The following RYR2 variants were observed in gnomAD, a reference collection of about 807,000 sequenced individuals.
RYR2 encodes cardiac muscle ryanodine receptor-calcium release channel.
RYR2 carries 227 observed loss-of-function variants against 601.1 expected under a neutral mutation model. That is an observed-to-expected ratio of 0.38 (90% CI 0.34 to 0.42). RYR2 has a LOEUF of 0.42. Ranked by LOEUF, RYR2 falls within the 10% of genes least tolerant of loss-of-function variation. The pLI is 1.00. For missense variants in RYR2, 4,646 were observed against 6,156.5 expected (o/e 0.75, Z 8.21); for synonymous variants, 2,223 against 2,175.1 (o/e 1.02, Z -0.61).
chr1:237,566,577 C>A lies in RYR2; in HGVS notation c.3225C>A (p.Ala1075=). 1 of 1,613,658 alleles carries A rather than the reference C, an allele frequency of 6.2e-7. No homozygotes were observed. The highest frequency in any genetic ancestry group is 2.2e-5 in the East Asian group (1 of 44,852). The part of the protein sequence containing the change: ...EAPDQDHAAR[A]EVCSGTGERF... ...CTGTCCATTTCCCAGCAGCCAGAGC[C>A]GAAGTGTGCAGCGGCACCGGGGAAA... The change falls in exon 28 of 105, where the codon GCC becomes GCA. Residue 1075 remains alanine (A), a synonymous_variant. Coordinates refer to ENST00000366574, the MANE Select transcript of RYR2 (RefSeq NM_001035.3).
chr1:237,091,263 T>G (rs1666917066), intron 1 of RYR2, among the ~76,000 whole-genome samples: 1 of 152,168 alleles, frequency 6.6e-6, no homozygotes, highest in African/African-American at 2.4e-5. Flanking sequence ...TCAAGCAGGT[T>G]GTTTCAGGAT....
At chr1:237,053,368 A>T (rs1315670418) in intron 1 of RYR2, among the ~76,000 whole-genome samples, 4 of 152,144 alleles carry the variant, frequency 2.6e-5, no homozygotes, top group Non-Finnish European at 4.4e-5. Context: ...GAAGCGTAAA[A>T]ACTTCAGCTT....
At chr1:237,307,692 A>C (rs962914) in intron 2 of RYR2, among the ~76,000 whole-genome samples, 4,519 of 152,264 alleles carry the variant, frequency 0.03, 244 homozygotes, top group Admixed American at 0.15. Flanking sequence ...AGTCTGTTCC[A>C]TTCCTTATGA....
At chr1:237,061,280 T>TATC (rs58553831) in intron 1 of RYR2, among the ~76,000 whole-genome samples, 6,433 of 30,858 alleles carry the variant, frequency 0.21, 242 homozygotes, top group African/African-American at 0.26. Context: ...ATCTATCATC[T>TATC]ATCTATCTAT....
At chr1:237,470,114 T>G (rs1465026263) in intron 17 of RYR2, among the ~76,000 whole-genome samples, 4 of 152,228 alleles carry the variant, frequency 2.6e-5, no homozygotes. Flanking sequence ...CTTATGTTAC[T>G]TATTTTTCCT....
At chr1:237,497,452 A>G (rs1244512175) in intron 20 of RYR2, among the ~76,000 whole-genome samples, 1 of 152,244 alleles carries the variant, frequency 6.6e-6, no homozygotes, top group Non-Finnish European at 1.5e-5. Flanking sequence ...TTAAAAGCTT[A>G]GCTCTTGATT....
intron 51 of RYR2, 128 bp downstream of exon 51, chr1:237,651,629 G>A: frequency 1.6e-6 from 1 of 628,878 alleles, no homozygotes; most frequent in South Asian, 2.0e-5. Flanking sequence ...TATTGAAATG[G>A]GCATAGAAGT....
chr1:237,494,049 C>T (rs757267944), intron 19 of RYR2, among the ~76,000 whole-genome samples: 6 of 152,050 alleles, frequency 3.9e-5, no homozygotes, highest in Non-Finnish European at 7.4e-5. Context: ...ATAACCACCG[C>T]GCCACACTGC....
intron 1 of RYR2, among the ~76,000 whole-genome samples, chr1:237,218,882 G>C (rs911552425): frequency 2.0e-5 from 3 of 152,048 alleles, no homozygotes; most frequent in Non-Finnish European, 4.4e-5. Flanking sequence ...CTGTAAGTAA[G>C]AGATGCTTAT....
At chr1:237,724,722 T>C (rs1690058361) in intron 74 of RYR2, among the ~76,000 whole-genome samples, 2 of 145,306 alleles carry the variant, frequency 1.4e-5, no homozygotes, top group Non-Finnish European at 3.0e-5. Context: ...GAATTATATA[T>C]ATATATGTTT....
chr1:237,428,373 G>C (rs1265471504), intron 12 of RYR2, among the ~76,000 whole-genome samples: 1 of 152,124 alleles, frequency 6.6e-6, no homozygotes, highest in Non-Finnish European at 1.5e-5. Flanking sequence ...TGATAGACCA[G>C]ATAAAGAAAA....
At chr1:237,560,110 G>A (rs1671300047) in intron 27 of RYR2, among the ~76,000 whole-genome samples, 1 of 152,242 alleles carries the variant, frequency 6.6e-6, no homozygotes, top group Admixed American at 6.5e-5. Context: ...TTTCAGAGGT[G>A]TAAGCTTTCT....
At chr1:237,349,890 A>G (rs1178725018) in intron 3 of RYR2, among the ~76,000 whole-genome samples, 1 of 152,184 alleles carries the variant, frequency 6.6e-6, no homozygotes, top group East Asian at 1.9e-4. Flanking sequence ...CTGTTCTTAA[A>G]TTAGATTATG....
chr1:237,693,209 T>G (rs1053250958), intron 63 of RYR2, among the ~76,000 whole-genome samples: 6 of 133,852 alleles, frequency 4.5e-5, no homozygotes, highest in South Asian at 4.4e-4. Context: ...GAGAATCATG[T>G]TTTTTTTTTT....
chr1:237,826,582 G>A (rs562671754), intron 101 of RYR2, among the ~76,000 whole-genome samples: 27 of 152,158 alleles, frequency 1.8e-4, no homozygotes, highest in Non-Finnish European at 2.2e-4. Context: ...ACCATAGCAC[G>A]TGTATACCTG....
intron 98 of RYR2, among the ~76,000 whole-genome samples, chr1:237,802,864 G>A (rs1188295310): frequency 1.3e-5 from 2 of 152,172 alleles, no homozygotes; most frequent in South Asian, 2.1e-4. Flanking sequence ...ATCTTGCTTT[G>A]TAGTTTTTTT....
rs1216250254 is a variant in RYR2 at position 237,308,304 on chromosome 1, A to G, written c.169-22574A>G. ...AACACATCTCCCCATATATACAAGC[A>G]TTGTACCTAGGGTGGACACGTTCCT... On this transcript the variant is annotated intron_variant, in intron 2 of 104. Transcript: ENST00000366574. Among the ~76,000 whole-genome samples the G allele has an allele frequency of 4.6e-5, 7 of 152,320 alleles. No individual in the cohort carries two copies. In the Middle Eastern group the frequency reaches 0.017, roughly 370 times the overall value.
intron 1 of RYR2, among the ~76,000 whole-genome samples, chr1:237,104,447 C>T (rs1164283351): frequency 1.3e-5 from 2 of 152,200 alleles, no homozygotes; most frequent in African/African-American, 4.8e-5. Context: ...AGCACCTTTC[C>T]CTGTCTCCTT....
chr1:237,822,333 T>G (rs1457204714), intron 101 of RYR2, among the ~76,000 whole-genome samples: 1 of 152,210 alleles, frequency 6.6e-6, no homozygotes, highest in Non-Finnish European at 1.5e-5. Context: ...CAGATCTCGC[T>G]GTAGAAACTC....
Sources: gnomAD v4.1 joint callset for allele counts (sites outside exome capture counted in the v4.1 genomes callset) on GRCh38, gnomAD v4.1.1 for gene constraint, MANE v1.5 for transcripts, NCBI Gene and HGNC (gene_info 2026-07-23, HGNC 2026-07-21) for gene names.